The following LMO3 variants were observed in gnomAD, a reference collection of about 807,000 sequenced individuals.
LMO3 encodes LIM domain only 3.
LMO3 carries 2 observed loss-of-function variants against 15.8 expected under a neutral mutation model. That is an observed-to-expected ratio of 0.13 (90% confidence interval 0.05 to 0.40). The LOEUF is 0.40. Among genes scored for constraint, LMO3 ranks in the 10% least tolerant of loss-of-function variants. LMO3 has a pLI of 0.99. For synonymous variants in LMO3, 62 were observed against 63.8 expected (o/e 0.97, Z 0.13); for missense variants, 86 against 182.2 (o/e 0.47, Z 3.04).
In LMO3 at chr12:16,586,344, C is replaced by T. The variant is rs1027243120; in HGVS notation, c.206+14311G>A. ...GAACAACTAAGAAACAACTAAAACACGTGCATGAATGGAGAACCACTGCAT... is the reference window on the plus strand; with the variant it reads ...GAACAACTAAGAAACAACTAAAACATGTGCATGAATGGAGAACCACTGCAT... On this transcript the variant is annotated intron_variant, in intron 2 of 3. Coordinates refer to ENST00000537304, the MANE Select transcript of LMO3 (RefSeq NM_018640.5). This position sits in a 1 kb window ranked among gnomAD's most constrained non-coding sequence, Gnocchi z 4.3. Among the ~76,000 whole-genome samples the T allele has an allele frequency of 3.3e-5, 5 of 152,156 alleles. No individual in the cohort carries two copies. Among genetic ancestry groups the T allele is most frequent in the African/African-American group, 1.2e-4 (5 of 41,436 alleles).
At chr12:16,556,922 G>A (rs761747596) in intron 3 of LMO3, among the ~76,000 whole-genome samples, 2 of 152,088 alleles carry the variant, frequency 1.3e-5, no homozygotes, top group Non-Finnish European at 2.9e-5. Context: ...TAAATGAAGC[G>A]AACACAGAAA....
intron 2 of LMO3, among the ~76,000 whole-genome samples, chr12:16,588,325 A>C (rs1943385962): frequency 6.6e-6 from 1 of 152,064 alleles, no homozygotes; most frequent in African/African-American, 2.4e-5. Context: ...TTTAAAGAAC[A>C]CTGTGAAAAA....
intron 2 of LMO3, among the ~76,000 whole-genome samples, chr12:16,563,108 A>AT (rs1435189056): frequency 3.3e-5 from 5 of 152,300 alleles, no homozygotes; most frequent in African/African-American, 1.2e-4. Flanking sequence ...GGACTCTGAT[A>AT]TCCTAATGAT....
chr12:16,594,925 T>G (rs1330307677), intron 2 of LMO3, among the ~76,000 whole-genome samples: 3 of 151,604 alleles, frequency 2.0e-5, no homozygotes, highest in Admixed American at 2.0e-4. Flanking sequence ...GCTGGCTTAC[T>G]TTGATATAGT....
chr12:16,600,523 A>C, intron 2 of LMO3, 132 bp downstream of exon 2: 2 of 722,656 alleles, frequency 2.8e-6, no homozygotes, highest in East Asian at 5.4e-5. Context: ...CAACGCTTTG[A>C]AGGCTGACAG....
chr12:16,581,970 T>C (rs527841845), intron 2 of LMO3, among the ~76,000 whole-genome samples: 23 of 152,248 alleles, frequency 1.5e-4, no homozygotes, highest in African/African-American at 5.1e-4. Context: ...TTTTTTACTA[T>C]TTATATTTAT....
At chr12:16,605,036 A>C in intron 1 of LMO3, 1 of 1,541,802 alleles carries the variant, frequency 6.5e-7, no homozygotes, top group Non-Finnish European at 8.7e-7. Context: ...TTGTGAAGCC[A>C]CTTTGGGAGC....
At chr12:16,558,116 T>C (rs1012534627) in intron 3 of LMO3, among the ~76,000 whole-genome samples, 5 of 151,976 alleles carry the variant, frequency 3.3e-5, no homozygotes, top group Non-Finnish European at 7.4e-5. Flanking sequence ...ATAAATTGAG[T>C]GAAAAAGTCC....
intron 2 of LMO3, among the ~76,000 whole-genome samples, chr12:16,570,310 C>T (rs1005997840): frequency 2.6e-5 from 4 of 152,104 alleles, no homozygotes; most frequent in African/African-American, 9.7e-5. Flanking sequence ...TAATTACCTT[C>T]TTTTCTATCT....
chr12:16,551,347 TAAAA>T lies in LMO3; in HGVS notation c.333-24_333-21del. On this transcript the variant is annotated intron_variant, in intron 3 of 3. Coordinates refer to ENST00000537304, the MANE Select transcript of LMO3 (RefSeq NM_018640.5). ...CAAAATCTGAAAATATTTTAAACAA[TAAAA>T]TGTGGTTAAGACCATTTCACTTGGA... 1 of 1,406,458 alleles carries T rather than the reference TAAAA, an allele frequency of 7.1e-7. No homozygotes were observed. Among genetic ancestry groups the T allele is most frequent in the Non-Finnish European group, 1.0e-6 (1 of 991,746 alleles). The allele number at this position is 1,406,458 out of a possible 1,614,324, so 87.1% of individuals were successfully genotyped here.
intron 2 of LMO3, among the ~76,000 whole-genome samples, chr12:16,565,484 T>A (rs1591784771): frequency 6.6e-6 from 1 of 152,214 alleles, no homozygotes; most frequent in African/African-American, 2.4e-5. Flanking sequence ...CTATTGTTCT[T>A]TCTCTTTTTG....
In LMO3 at chr12:16,560,772, A is replaced by G. The variant is rs754371324; in HGVS notation, c.207-234T>C. 1 of 549,432 alleles carries G rather than the reference A, an allele frequency of 1.8e-6. No individual in the cohort carries two copies. Among genetic ancestry groups the G allele is most frequent in the Non-Finnish European group, 3.3e-6 (1 of 299,084 alleles). 34.0% of individuals were successfully genotyped at this position (549,432 alleles called of 1,614,324 possible). A position where few individuals can be genotyped will look rare whatever the true frequency, so the allele number is the denominator to read the frequency against. ...GAGAAGAAAAGGAAAAGACAAATAC[A>G]TTAGGAAGCTTACGTAACTGCACAT... is the stretch of plus-strand genomic sequence containing the variant. On this transcript the variant is annotated intron_variant, in intron 2 of 3. Transcript: ENST00000537304. This position sits in a 1 kb window ranked among gnomAD's most constrained non-coding sequence, Gnocchi z 5.0.
Position 16,578,681 on chromosome 12 carries a change from G to A in LMO3, c.207-18143C>T, listed in dbSNP as rs866092087. Among the ~76,000 whole-genome samples, 8 of 152,136 alleles carry A rather than the reference G, an allele frequency of 5.3e-5. No homozygotes were observed. The Middle Eastern group carries it at 0.01, about 194-fold the overall frequency. ...AAAAATACAAAAATTAGCCAGGTGT[G>A]GTGGTGCATGCCTGTAATGCTAGTT... is the stretch of plus-strand genomic sequence containing the variant. On this transcript the variant is annotated intron_variant, in intron 2 of 3. Coordinates refer to ENST00000537304, the MANE Select transcript of LMO3 (RefSeq NM_018640.5).
At position 16,584,141 on chromosome 12, in the gene LMO3, G is replaced by T. The variant is rs937420876; in HGVS notation, c.206+16514C>A. 3.3e-5 allele frequency among the ~76,000 whole-genome samples: 5 copies of T among 152,152 alleles called. No individual in the cohort carries two copies. Among genetic ancestry groups the T allele is most frequent in the Admixed American group, 1.3e-4 (2 of 15,264 alleles). ...TAGAATCCCTAGAATTGTGGTAAGAGGGAAATGACAGCAGTGAGTAGGGGT... is the reference window on the plus strand; with the variant it reads ...TAGAATCCCTAGAATTGTGGTAAGATGGAAATGACAGCAGTGAGTAGGGGT... On this transcript the variant is annotated intron_variant, in intron 2 of 3. Coordinates refer to ENST00000537304, the MANE Select transcript of LMO3 (RefSeq NM_018640.5). The surrounding 1 kb of genome is among the most constrained non-coding windows in gnomAD (Gnocchi z 5.2).
At chr12:16,608,159 T>A (rs1040822595), upstream of LMO3, 1 of 150,714 alleles carries the variant, frequency 6.6e-6, no homozygotes, top group Non-Finnish European at 1.5e-5. This position sits in a 1 kb window ranked among gnomAD's most constrained non-coding sequence, Gnocchi z 4.1. Context: ...TGCATATGTG[T>A]GCATGCATGT....
At chr12:16,605,327 A>G in intron 1 of LMO3, 1 of 1,159,922 alleles carries the variant, frequency 8.6e-7, no homozygotes, top group Non-Finnish European at 1.1e-6. Context: ...CAATCTGAGT[A>G]GTCCCCGTAA....
At chr12:16,565,223 A>C (rs755715975) in intron 2 of LMO3, among the ~76,000 whole-genome samples, 6 of 152,238 alleles carry the variant, frequency 3.9e-5, no homozygotes, top group Non-Finnish European at 7.3e-5. Context: ...CAATCAATTG[A>C]AAAGATTTTT....
intron 2 of LMO3, among the ~76,000 whole-genome samples, chr12:16,592,200 G>A (rs1226863624): frequency 6.6e-6 from 1 of 151,986 alleles, no homozygotes; most frequent in Non-Finnish European, 1.5e-5. Context: ...TTTGTCAAGT[G>A]ACTAAATGGT....
rs1466021923 is a variant in LMO3, at chr12:16,569,636, T to C, written c.207-9098A>G. On this transcript the variant is annotated intron_variant, in intron 2 of 3. Coordinates refer to ENST00000537304, the MANE Select transcript of LMO3 (RefSeq NM_018640.5). ...TGAGAAAAATATTTCCAGGCAAATATGGCAATTGTACCAACATTTCATAGA... is the reference window on the plus strand; with the variant it reads ...TGAGAAAAATATTTCCAGGCAAATACGGCAATTGTACCAACATTTCATAGA... Among the ~76,000 whole-genome samples the C allele has an allele frequency of 3.3e-5, 5 of 152,188 alleles. No homozygotes were observed. In the East Asian group the frequency reaches 9.6e-4, roughly 29 times the overall value.
Sources: allele counts gnomAD v4.1 joint callset (sites outside exome capture counted in the v4.1 genomes callset), GRCh38; gene constraint gnomAD v4.1.1; non-coding constraint Gnocchi (gnomAD v3.1); transcripts MANE v1.5; gene names NCBI Gene and HGNC (gene_info 2026-07-23, HGNC 2026-07-21).